PDZD2: variants seen among roughly 807,000 people sequenced by gnomAD.
PDZD2 encodes PDZ domain-containing protein 2.
Under a neutral mutation model 220.7 loss-of-function variants are expected in PDZD2, and 90 were observed. The observed-to-expected ratio is 0.41, with a 90% CI of 0.34 to 0.49. PDZD2 has a LOEUF of 0.49. Among genes scored for constraint, PDZD2 ranks in the 20% least tolerant of loss-of-function variants. The pLI is 0.28. For synonymous variants in PDZD2, 1,375 were observed against 1,450.5 expected (o/e 0.95, Z 1.18); for missense variants, 3,174 against 3,608.5 (o/e 0.88, Z 3.08).
intron 7 of PDZD2, among the ~76,000 whole-genome samples, chr5:32,043,487 T>A (rs1218219991): frequency 6.6e-6 from 1 of 152,238 alleles, no homozygotes; most frequent in Non-Finnish European, 1.5e-5. Context: ...ATTTTGCCAA[T>A]AAACATGAGT....
At position 31,859,401 on chromosome 5, in the gene PDZD2, C is replaced by A. The variant is rs143103611; in HGVS notation, c.476+59677C>A. Among the ~76,000 whole-genome samples, 2 of 152,090 alleles carry A rather than the reference C, an allele frequency of 1.3e-5. 1 individual carries two copies. Among genetic ancestry groups the A allele is most frequent in the East Asian group, 3.8e-4 (2 of 5,200 alleles). The stretch of plus-strand genomic sequence containing the variant: ...CTATCTCCTTTTAAAAAAAACATTT[C>A]TACTTCCTGGGAAATTTCCTCATTT... On this transcript the variant is annotated intron_variant, in intron 2 of 24. Transcript: ENST00000438447.
At chr5:32,073,282 T>C (rs1425649539) in intron 17 of PDZD2, among the ~76,000 whole-genome samples, 1 of 152,156 alleles carries the variant, frequency 6.6e-6, no homozygotes, top group Non-Finnish European at 1.5e-5. Flanking sequence ...TAACAAGATA[T>C]AAAAATCGTT....
intron 1 of PDZD2, among the ~76,000 whole-genome samples, chr5:31,751,176 G>A (rs1214698901): frequency 1.3e-5 from 2 of 150,894 alleles, no homozygotes; most frequent in South Asian, 4.2e-4. Flanking sequence ...GGGAGGCGGA[G>A]ATTGCAGTGA....
At chr5:32,005,515 G>A (rs1280519487) in intron 5 of PDZD2, among the ~76,000 whole-genome samples, 1 of 136,888 alleles carries the variant, frequency 7.3e-6, no homozygotes, top group Non-Finnish European at 1.5e-5. Flanking sequence ...TGTATCAAAT[G>A]TAGACAACCC....
chr5:31,759,839 C>T (rs1482940130), intron 1 of PDZD2, among the ~76,000 whole-genome samples: 4 of 152,174 alleles, frequency 2.6e-5, no homozygotes, highest in African/African-American at 9.7e-5. Flanking sequence ...GCCACTGCGC[C>T]TGGCCTCAGA....
At chr5:31,778,861 C>T (rs17506712) in intron 1 of PDZD2, among the ~76,000 whole-genome samples, 76,774 of 151,922 alleles carry the variant, frequency 0.51, 20,283 homozygotes, top group African/African-American at 0.56. Context: ...GGTGAAAAAC[C>T]ACTCATAGAT....
At chr5:32,012,039 A>G (rs1238933490) in intron 6 of PDZD2, among the ~76,000 whole-genome samples, 1 of 152,192 alleles carries the variant, frequency 6.6e-6, no homozygotes, top group Non-Finnish European at 1.5e-5. Context: ...ATGTGGCGGT[A>G]CAACAGCAGA....
chr5:31,762,899 A>C (rs1367431769), intron 1 of PDZD2, among the ~76,000 whole-genome samples: 2 of 151,978 alleles, frequency 1.3e-5, no homozygotes, highest in Non-Finnish European at 2.9e-5. Flanking sequence ...ACTTGGCCTG[A>C]CATTTATAGG....
intron 5 of PDZD2, 142 bp from the exon 6 acceptor site, chr5:32,010,188 A>G: frequency 1.7e-6 from 1 of 600,754 alleles, no homozygotes; most frequent in Non-Finnish European, 3.0e-6. Context: ...CTGGCCTTTG[A>G]GGTAACCTTG....
At chr5:31,741,505 G>A (rs1220936446) in intron 1 of PDZD2, among the ~76,000 whole-genome samples, 2 of 152,086 alleles carry the variant, frequency 1.3e-5, no homozygotes, top group Non-Finnish European at 2.9e-5. Context: ...ATAAACAAGG[G>A]ACTGGACTCT....
intron 2 of PDZD2, among the ~76,000 whole-genome samples, chr5:31,800,233 C>A (rs998092594): frequency 1.3e-5 from 2 of 152,030 alleles, no homozygotes; most frequent in Non-Finnish European, 2.9e-5. Flanking sequence ...TTCATTACAC[C>A]GAAAGGACAC....
intron 2 of PDZD2, among the ~76,000 whole-genome samples, chr5:31,910,521 A>G (rs2089199): frequency 0.38 from 56,548 of 150,180 alleles, 10,930 homozygotes; most frequent in African/African-American, 0.4. Context: ...CTCCTGAGTA[A>G]CTGGGATTAC....
chr5:31,807,810 T>C (rs1343437602), intron 2 of PDZD2, among the ~76,000 whole-genome samples: 2 of 151,722 alleles, frequency 1.3e-5, no homozygotes, highest in East Asian at 3.9e-4. Flanking sequence ...AGGAGGGGGC[T>C]GGGGGGCTCA....
At chr5:31,910,440 T>G (rs1743079774) in intron 2 of PDZD2, among the ~76,000 whole-genome samples, 1 of 146,052 alleles carries the variant, frequency 6.8e-6, no homozygotes, top group South Asian at 2.1e-4. Context: ...AGAGTCTCAC[T>G]CTGTCAACTG....
intron 1 of PDZD2, among the ~76,000 whole-genome samples, chr5:31,703,221 C>A (rs1484564746): frequency 2.6e-5 from 4 of 152,176 alleles, no homozygotes; most frequent in African/African-American, 9.7e-5. Flanking sequence ...TTAGGGAAAC[C>A]AACCCAAATG....
intron 1 of PDZD2, among the ~76,000 whole-genome samples, chr5:31,736,624 A>G (rs1749878008): frequency 6.6e-6 from 1 of 152,200 alleles, no homozygotes; most frequent in Admixed American, 6.5e-5. Flanking sequence ...TTTATTGGCG[A>G]GGGGAAGTGG....
chr5:31,987,101 C>T (rs1750783120), intron 3 of PDZD2, among the ~76,000 whole-genome samples: 1 of 152,316 alleles, frequency 6.6e-6, no homozygotes, highest in South Asian at 2.1e-4. Flanking sequence ...TCATTATCTT[C>T]TTAGCAAAGA....
At chr5:31,930,785 T>A (rs1220103558) in intron 2 of PDZD2, among the ~76,000 whole-genome samples, 1 of 152,044 alleles carries the variant, frequency 6.6e-6, no homozygotes, top group Non-Finnish European at 1.5e-5. Context: ...AAACCCACTA[T>A]GCGACCAGAC....
intron 6 of PDZD2, among the ~76,000 whole-genome samples, chr5:32,018,705 C>G (rs1753962533): frequency 6.6e-6 from 1 of 152,258 alleles, no homozygotes; most frequent in Admixed American, 6.5e-5. Context: ...TCTCTCTCCC[C>G]AACCTCAGCC....
Sources: allele counts gnomAD v4.1 joint callset (sites outside exome capture counted in the v4.1 genomes callset), GRCh38; gene constraint gnomAD v4.1.1; transcripts MANE v1.5; gene names NCBI Gene and HGNC (gene_info 2026-07-23, HGNC 2026-07-21).